Variants in STPG2 observed in about 807,000 individuals in gnomAD.
STPG2 encodes sperm tail PG-rich repeat containing 2.
In STPG2, 56 loss-of-function variants were observed where a neutral mutation model predicts 54.2. The ratio of observed to expected loss-of-function variants is 1.03; its 90% confidence interval spans 0.83 to 1.29. The LOEUF is 1.29. STPG2 is among the 50% of genes most tolerant of loss of function. The pLI is 0.00. For synonymous variants in STPG2, 200 were observed against 181.8 expected (o/e 1.10, Z -0.81); for missense variants, 596 against 544.9 (o/e 1.09, Z -0.93).
intron 7 of STPG2, among the ~76,000 whole-genome samples, chr4:97,948,200 G>T (rs1188677723): frequency 6.6e-6 from 1 of 151,716 alleles, no homozygotes; most frequent in Non-Finnish European, 1.5e-5. Flanking sequence ...CATAGTTTGT[G>T]TTTCTAGTTT....
intron 4 of STPG2, among the ~76,000 whole-genome samples, chr4:97,488,816 C>T (rs988392401): frequency 3.3e-5 from 5 of 151,746 alleles, no homozygotes; most frequent in Admixed American, 6.6e-5. Context: ...ATGGTAACTA[C>T]ATGATGGTCA....
At chr4:98,115,690 G>T (rs1283847366) in intron 3 of STPG2, among the ~76,000 whole-genome samples, 1 of 151,866 alleles carries the variant, frequency 6.6e-6, no homozygotes, top group East Asian at 1.9e-4. Context: ...ATTTCAAAAA[G>T]CAAGCAAAGA....
chr4:97,810,787 T>C (rs963929752), intron 9 of STPG2, among the ~76,000 whole-genome samples: 1 of 152,186 alleles, frequency 6.6e-6, no homozygotes, highest in African/African-American at 2.4e-5. Flanking sequence ...ATATAAAATG[T>C]TACAGAAAGC....
chr4:98,123,245 T>G (rs540160468), intron 3 of STPG2, among the ~76,000 whole-genome samples: 1 of 152,340 alleles, frequency 6.6e-6, no homozygotes, highest in East Asian at 1.9e-4. Context: ...AGGGTTTGTT[T>G]GCTCTCGATT....
chr4:97,597,413 C>T (rs1332188489), intron 10 of STPG2, among the ~76,000 whole-genome samples: 1 of 151,984 alleles, frequency 6.6e-6, no homozygotes, highest in Non-Finnish European at 1.5e-5. Context: ...TTCTACGAAG[C>T]CAGCATCATC....
At chr4:97,495,061 T>C (rs1397041197) in intron 4 of STPG2, among the ~76,000 whole-genome samples, 2 of 151,552 alleles carry the variant, frequency 1.3e-5, no homozygotes, top group African/African-American at 4.8e-5. Flanking sequence ...TCTTCAGAAC[T>C]CATATTTTAG....
In STPG2 at chr4:98,143,061, G is replaced by A. The variant is rs138596856; in HGVS notation, c.90C>T (p.Phe30=). 2,167 of 1,613,068 alleles carry A rather than the reference G, an allele frequency of 1.3e-3. 5 individuals are homozygous for A. Among genetic ancestry groups the A allele is most frequent in the Middle Eastern group, 1.5e-3 (9 of 6,052 alleles). ...HVGPGSYQVP[F]LKQQATGSNA... ...TCTTACCTGTCGCCTGCTGCTTCAG[G>A]AAAGGTACCTGGTAGGATCCAGGAC... is the stretch of plus-strand genomic sequence containing the variant. The change falls in exon 1 of 11, where the codon TTC becomes TTT. Residue 30 remains phenylalanine (F), a synonymous_variant. Coordinates refer to ENST00000295268, the MANE Select transcript of STPG2 (RefSeq NM_174952.3).
intron 5 of STPG2, among the ~76,000 whole-genome samples, chr4:98,017,661 T>C (rs1309332552): frequency 1.3e-5 from 2 of 152,310 alleles, no homozygotes; most frequent in Non-Finnish European, 2.9e-5. Context: ...GCACAGATGG[T>C]TGTTTCAACT....
intron 10 of STPG2, among the ~76,000 whole-genome samples, chr4:97,702,447 C>A (rs750688058): frequency 6.6e-6 from 1 of 152,182 alleles, no homozygotes; most frequent in Non-Finnish European, 1.5e-5. Context: ...GTCAAACCCT[C>A]AACCTCACCT....
intron 8 of STPG2, among the ~76,000 whole-genome samples, chr4:97,862,407 A>G (rs1729587001): frequency 6.6e-6 from 1 of 152,144 alleles, no homozygotes; most frequent in Non-Finnish European, 1.5e-5. Flanking sequence ...TATCTTAAAT[A>G]TATATGCACC....
intron 10 of STPG2, among the ~76,000 whole-genome samples, chr4:97,562,653 G>T (rs543093174): frequency 2.1e-4 from 32 of 152,200 alleles, no homozygotes; most frequent in African/African-American, 7.2e-4. Context: ...TAGCATGAAG[G>T]GTTGTTGAAT....
chr4:98,107,811 AT>A (rs1244809529), intron 4 of STPG2, among the ~76,000 whole-genome samples: 2 of 152,030 alleles, frequency 1.3e-5, no homozygotes, highest in African/African-American at 4.8e-5. Context: ...AAATCAGCCA[AT>A]ATGGCAGAAG....
At chr4:98,023,996 C>T (rs563226647) in intron 5 of STPG2, among the ~76,000 whole-genome samples, 2 of 152,256 alleles carry the variant, frequency 1.3e-5, no homozygotes, top group South Asian at 2.1e-4. Flanking sequence ...TGAGGCAATG[C>T]CTCACCCTGC....
chr4:98,090,074 T>A (rs1396538040), intron 5 of STPG2, among the ~76,000 whole-genome samples: 1 of 152,166 alleles, frequency 6.6e-6, no homozygotes, highest in African/African-American at 2.4e-5. Flanking sequence ...TTTATTTATC[T>A]TTGTTTTTGT....
intron 5 of STPG2, among the ~76,000 whole-genome samples, chr4:98,017,531 G>T (rs896133269): frequency 6.6e-6 from 1 of 152,152 alleles, no homozygotes; most frequent in Non-Finnish European, 1.5e-5. Context: ...GAGGGGTTAT[G>T]CCAGTAATGT....
intron 10 of STPG2, among the ~76,000 whole-genome samples, chr4:97,656,919 A>G (rs1722233110): frequency 6.6e-6 from 1 of 151,992 alleles, no homozygotes; most frequent in Non-Finnish European, 1.5e-5. Flanking sequence ...ATATATATGA[A>G]AAATAATTTT....
intron 10 of STPG2, among the ~76,000 whole-genome samples, chr4:97,601,443 T>C (rs185608032): frequency 6.6e-5 from 10 of 152,192 alleles, no homozygotes; most frequent in Admixed American, 6.5e-4. Flanking sequence ...CTAACCAGAA[T>C]TGATTTTTGC....
chr4:97,759,175 T>C (rs897982618), intron 9 of STPG2, among the ~76,000 whole-genome samples: 1 of 152,044 alleles, frequency 6.6e-6, no homozygotes, highest in South Asian at 2.1e-4. Flanking sequence ...ATGGGAGTCA[T>C]GAGAAAGAAT....
chr4:97,752,924 A>G (rs1373528123), intron 9 of STPG2, among the ~76,000 whole-genome samples: 1 of 151,824 alleles, frequency 6.6e-6, no homozygotes, highest in East Asian at 1.9e-4. Flanking sequence ...GTGTCTTCCC[A>G]TCAGATGTAA....
Sources: allele counts gnomAD v4.1 joint callset (sites outside exome capture counted in the v4.1 genomes callset), GRCh38; gene constraint gnomAD v4.1.1; transcripts MANE v1.5; gene names NCBI Gene and HGNC (gene_info 2026-07-23, HGNC 2026-07-21).